Variants in UTS2B observed in about 807,000 individuals in gnomAD.
UTS2B encodes urotensin 2B, also known as urotensin-2B.
Under a neutral mutation model 19.2 loss-of-function variants are expected in UTS2B, and 21 were observed. That is an observed-to-expected ratio of 1.09 (90% CI 0.78 to 1.58). The LOEUF is 1.58. Ranked by LOEUF, UTS2B falls within the 40% of genes most tolerant of loss-of-function variation. UTS2B has a pLI of 0.00. For missense variants in UTS2B, 138 were observed against 130.3 expected, an observed-to-expected ratio of 1.06 and a Z score of -0.29; for synonymous variants, 57 against 50.2, an observed-to-expected ratio of 1.14 and a Z score of -0.58.
chr3:191,325,439 C>A (rs563389800), intron 2 of UTS2B, among the ~76,000 whole-genome samples: 72 of 152,224 alleles, frequency 4.7e-4, no homozygotes, highest in African/African-American at 1.6e-3. Context: ...CAGGTGACCC[C>A]TGAGTTCCAG....
At position 191,275,264 on chromosome 3, in the gene UTS2B, G is replaced by C; in HGVS notation, c.322C>G (p.Pro108Ala). 1 of 1,608,556 alleles carries C rather than the reference G, an allele frequency of 6.2e-7. No homozygotes were observed. Among genetic ancestry groups the C allele is most frequent in the South Asian group, 1.1e-5 (1 of 90,402 alleles). Reference protein sequence around the residue: ...YAVDGLFSSHPSKRACFWKYC... With the variant: ...YAVDGLFSSHASKRACFWKYC... ...AATGAAAGCTTACCTCGTTTGCTAG[G>C]ATGAGAAGAGAATAGACCATCTACA... Residue 108 changes from proline to alanine, a missense_variant, in exon 8 of 9, where the codon CCT (proline) becomes GCT (alanine). Physicochemically the swap from Pro to Ala is conservative, Grantham distance 27. Transcript: ENST00000340524.
intron 2 of UTS2B, among the ~76,000 whole-genome samples, chr3:191,327,855 TA>T (rs1717789186): frequency 3.3e-5 from 5 of 152,172 alleles, no homozygotes; most frequent in African/African-American, 1.2e-4. Flanking sequence ...ACAGGACAAT[TA>T]AAAAATTCCC....
intron 4 of UTS2B, among the ~76,000 whole-genome samples, chr3:191,289,726 G>A (rs951903470): frequency 1.3e-5 from 2 of 152,096 alleles, no homozygotes; most frequent in African/African-American, 4.8e-5. Flanking sequence ...CTTTTATGTG[G>A]AATCTAAGAA....
chr3:191,269,782 A>C, intron 8 of UTS2B, among the ~76,000 whole-genome samples: 1 of 152,374 alleles, frequency 6.6e-6, no homozygotes, highest in Admixed American at 6.5e-5. Context: ...CACTTAGCCA[A>C]GACTTATACC....
chr3:191,285,662 G>C (rs1230182367), intron 4 of UTS2B, among the ~76,000 whole-genome samples: 1 of 152,168 alleles, frequency 6.6e-6, no homozygotes, highest in African/African-American at 2.4e-5. Flanking sequence ...AGCACTTTGG[G>C]AGGCTGAGGT....
chr3:191,312,536 C>T (rs1031451202), intron 3 of UTS2B, among the ~76,000 whole-genome samples: 1 of 152,158 alleles, frequency 6.6e-6, no homozygotes, highest in Admixed American at 6.5e-5. Flanking sequence ...GTTATTGCAA[C>T]TTTGTAATTA....
chr3:191,314,261 C>T (rs1717388251), intron 3 of UTS2B, among the ~76,000 whole-genome samples: 1 of 152,264 alleles, frequency 6.6e-6, no homozygotes, highest in South Asian at 2.1e-4. Flanking sequence ...ATATGCAGTA[C>T]AGGCTTTGAC....
intron 4 of UTS2B, among the ~76,000 whole-genome samples, chr3:191,296,681 A>G (rs1716866325): frequency 6.6e-6 from 1 of 152,228 alleles, no homozygotes; most frequent in African/African-American, 2.4e-5. Flanking sequence ...AAATTATTTC[A>G]AACCCCACCT....
chr3:191,343,091 A>G, the UTS2B span, among the ~76,000 whole-genome samples: 1 of 152,114 alleles, frequency 6.6e-6, no homozygotes, highest in Non-Finnish European at 1.5e-5. Flanking sequence ...AGGCCTGTGT[A>G]TACTGAGGGA....
the UTS2B span, among the ~76,000 whole-genome samples, chr3:191,338,705 T>A: frequency 6.6e-6 from 1 of 152,348 alleles, no homozygotes; most frequent in South Asian, 2.1e-4. Flanking sequence ...ATAGAGCTAA[T>A]CTTTGAAAGA....
At chr3:191,274,564 G>A (rs941999677) in intron 8 of UTS2B, among the ~76,000 whole-genome samples, 1 of 152,146 alleles carries the variant, frequency 6.6e-6, no homozygotes. Flanking sequence ...TATATTTTGA[G>A]ACATTAAAAT....
intron 4 of UTS2B, among the ~76,000 whole-genome samples, chr3:191,292,924 C>T (rs1379198277): frequency 6.6e-6 from 1 of 151,920 alleles, no homozygotes; most frequent in Non-Finnish European, 1.5e-5. Flanking sequence ...GAATAAAATT[C>T]CCCCAGGAGG....
intron 2 of UTS2B, among the ~76,000 whole-genome samples, chr3:191,323,927 T>C (rs1213889355): frequency 6.6e-6 from 1 of 152,134 alleles, no homozygotes; most frequent in Non-Finnish European, 1.5e-5. Flanking sequence ...CAAATTCCAG[T>C]GAAATACCCT....
At chr3:191,326,861 T>C (rs1437482281) in intron 2 of UTS2B, among the ~76,000 whole-genome samples, 1 of 152,112 alleles carries the variant, frequency 6.6e-6, no homozygotes, top group Non-Finnish European at 1.5e-5. Flanking sequence ...AGGTGTGGAG[T>C]AGGAGAAGGA....
chr3:191,286,698 C>T (rs562445535), intron 4 of UTS2B, among the ~76,000 whole-genome samples: 1 of 151,828 alleles, frequency 6.6e-6, no homozygotes, highest in South Asian at 2.1e-4. Context: ...CCTATTACAT[C>T]TCAAGAAACT....
At chr3:191,279,842 A>AAAAAGCAATAGAAAATGAGTCTTTTGTC (rs1716335968) in intron 5 of UTS2B, among the ~76,000 whole-genome samples, 2 of 152,122 alleles carry the variant, frequency 1.3e-5, no homozygotes, top group Non-Finnish European at 2.9e-5. Flanking sequence ...ATTGGCTAAA[A>AAAAAGCAATAGAAAATGAGTCTTTTGTC]AAAAGCAATA....
rs562401511 is a variant in UTS2B, at chr3:191,295,486, G to C, written c.-125+9006C>G. On this transcript the variant is annotated intron_variant, in intron 4 of 8. Transcript: ENST00000340524. ...TAAAAGATGAACTTTCTCAGGGTTTGATTCTAGATTTTCTTTTATTATCAT... is the reference window on the plus strand; with the variant it reads ...TAAAAGATGAACTTTCTCAGGGTTTCATTCTAGATTTTCTTTTATTATCAT... Among the ~76,000 whole-genome samples the C allele has an allele frequency of 3.9e-4, 60 of 151,966 alleles. 1 individual carries two copies. Among genetic ancestry groups the C allele is most frequent in the African/African-American group, 1.4e-3 (58 of 41,284 alleles).
chr3:191,313,129 G>A (rs889645800), intron 3 of UTS2B, among the ~76,000 whole-genome samples: 6 of 151,802 alleles, frequency 4.0e-5, no homozygotes, highest in African/African-American at 1.5e-4. Flanking sequence ...CAAGTAGCTG[G>A]GATTACAGGC....
chr3:191,290,814 TGA>T (rs1716692938), intron 4 of UTS2B, among the ~76,000 whole-genome samples: 1 of 152,248 alleles, frequency 6.6e-6, no homozygotes, highest in Non-Finnish European at 1.5e-5. Flanking sequence ...TTTCTCACGA[TGA>T]GTGACAAGAA....
Sources: gnomAD v4.1 joint callset for allele counts (sites outside exome capture counted in the v4.1 genomes callset) on GRCh38, gnomAD v4.1.1 for gene constraint, MANE v1.5 for transcripts, NCBI Gene and HGNC (gene_info 2026-07-23, HGNC 2026-07-21) for gene names.